MACO1: variants seen among roughly 807,000 people sequenced by gnomAD.
MACO1 encodes the protein macoilin.
In MACO1, 14 loss-of-function variants were observed where a neutral mutation model predicts 78.7. The ratio of observed to expected loss-of-function variants is 0.18; its 90% CI spans 0.12 to 0.28. The LOEUF is 0.28. MACO1 is among the 10% of genes least tolerant of loss of function. The pLI is 1.00. For missense variants in MACO1, 501 were observed against 799.0 expected, an observed-to-expected ratio of 0.63 and a Z score of 4.50; for synonymous variants, 288 against 291.6, an observed-to-expected ratio of 0.99 and a Z score of 0.12.
intron 6 of MACO1, among the ~76,000 whole-genome samples, chr1:25,474,487 T>A (rs537925468): frequency 6.6e-6 from 1 of 152,340 alleles, no homozygotes; most frequent in East Asian, 1.9e-4. Flanking sequence ...CTTTTTGCTT[T>A]TTCTTCTTCA....
At chr1:25,455,876 A>G (rs953403000) in intron 4 of MACO1, among the ~76,000 whole-genome samples, 8 of 152,100 alleles carry the variant, frequency 5.3e-5, no homozygotes, top group Non-Finnish European at 1.2e-4. Flanking sequence ...GCCTTCTAGT[A>G]TTGAAAATCA....
At chr1:25,466,986 C>T (rs1309774132) in intron 6 of MACO1, among the ~76,000 whole-genome samples, 4 of 152,028 alleles carry the variant, frequency 2.6e-5, no homozygotes, top group African/African-American at 4.8e-5. Flanking sequence ...CGGCCGGGCA[C>T]GGTGGTTCAC....
intron 6 of MACO1, among the ~76,000 whole-genome samples, chr1:25,480,329 G>T (rs989255916): frequency 6.6e-6 from 1 of 152,186 alleles, no homozygotes; most frequent in African/African-American, 2.4e-5. Context: ...TAACTCTCAG[G>T]CTTGCTGCAG....
chr1:25,448,677 A>G, intron 2 of MACO1, 131 bp from the exon 3 acceptor site: 4 of 794,880 alleles, frequency 5.0e-6, no homozygotes, highest in Non-Finnish European at 7.1e-6. Flanking sequence ...CCTTTTGTGA[A>G]TTTGCTTTAC....
At chr1:25,473,244 A>G (rs1306523624) in intron 6 of MACO1, among the ~76,000 whole-genome samples, 1 of 152,202 alleles carries the variant, frequency 6.6e-6, no homozygotes, top group African/African-American at 2.4e-5. Context: ...CATTGCAGGA[A>G]TTTAAAACTA....
intron 6 of MACO1, among the ~76,000 whole-genome samples, chr1:25,471,247 G>A (rs1357020469): frequency 6.6e-6 from 1 of 151,478 alleles, no homozygotes; most frequent in Non-Finnish European, 1.5e-5. Context: ...GCTGAGGCAT[G>A]CAACTCACTT....
At chr1:25,431,288 G>T in intron 1 of MACO1, 110 bp downstream of exon 1, 2 of 801,048 alleles carry the variant, frequency 2.5e-6, no homozygotes, top group South Asian at 2.0e-5. Context: ...CCCGCGCCGG[G>T]GGCTCTCCTA....
chr1:25,466,609 G>A (rs552232162), intron 6 of MACO1, among the ~76,000 whole-genome samples: 27 of 152,256 alleles, frequency 1.8e-4, no homozygotes, highest in Admixed American at 9.2e-4. Flanking sequence ...CACCTCACCC[G>A]GCCAGTTCAG....
chr1:25,438,992 A>G (rs4233043), intron 1 of MACO1, among the ~76,000 whole-genome samples: 86,529 of 151,950 alleles, frequency 0.57, 25,586 homozygotes, highest in African/African-American at 0.71. Flanking sequence ...ATTTGTTTAT[A>G]TAGAAAAAGC....
chr1:25,492,862 G>A (rs996286387), intron 10 of MACO1, among the ~76,000 whole-genome samples: 1 of 152,158 alleles, frequency 6.6e-6, no homozygotes, highest in Non-Finnish European at 1.5e-5. Context: ...ATTTTCAAAT[G>A]GTTGACTTAG....
chr1:25,475,458 T>C (rs2043313652), intron 6 of MACO1, among the ~76,000 whole-genome samples: 2 of 151,424 alleles, frequency 1.3e-5, no homozygotes, highest in African/African-American at 4.9e-5. Context: ...ACGCCTGTAA[T>C]CTGAACACTT....
chr1:25,483,264 C>T (rs1016655891), intron 6 of MACO1, among the ~76,000 whole-genome samples: 3 of 152,068 alleles, frequency 2.0e-5, no homozygotes, highest in African/African-American at 4.8e-5. Flanking sequence ...TTGGCCAGGC[C>T]GGTCTTGAAC....
chr1:25,466,472 C>T (rs571100809), intron 6 of MACO1, among the ~76,000 whole-genome samples: 3 of 152,250 alleles, frequency 2.0e-5, no homozygotes, highest in South Asian at 4.1e-4. Context: ...CACCACCATG[C>T]CCGGCTAATT....
chr1:25,440,942 A>G (rs1280055194), intron 1 of MACO1, among the ~76,000 whole-genome samples: 1 of 152,184 alleles, frequency 6.6e-6, no homozygotes, highest in Non-Finnish European at 1.5e-5. Context: ...ATAGTCTGGC[A>G]CCCAGAACAA....
At chr1:25,470,040 C>T (rs1269299547) in intron 6 of MACO1, among the ~76,000 whole-genome samples, 1 of 152,138 alleles carries the variant, frequency 6.6e-6, no homozygotes, top group East Asian at 1.9e-4. Flanking sequence ...AAGATGTCTA[C>T]ACCCAATTTA....
chr1:25,464,163 C>G (rs1221199006), intron 6 of MACO1, among the ~76,000 whole-genome samples: 1 of 152,088 alleles, frequency 6.6e-6, no homozygotes, highest in African/African-American at 2.4e-5. Context: ...CCATCCATCC[C>G]TACCCTCCCC....
intron 6 of MACO1, among the ~76,000 whole-genome samples, chr1:25,471,011 G>A (rs1216388849): frequency 1.2e-4 from 18 of 151,870 alleles, no homozygotes; most frequent in Admixed American, 1.2e-3. Flanking sequence ...CTGGGCCACA[G>A]AGTGAGAACC....
intron 6 of MACO1, among the ~76,000 whole-genome samples, chr1:25,467,731 AT>A (rs34155576): frequency 0.47 from 62,398 of 133,978 alleles, 13,583 homozygotes; most frequent in East Asian, 0.68. Flanking sequence ...TAGAATGATG[AT>A]TTTTTTTTTT....
Position 25,481,092 on chromosome 1 carries a change from G to C in MACO1, c.1155-3024G>C, listed in dbSNP as rs537223715. 5.8e-3 allele frequency among the ~76,000 whole-genome samples: 871 copies of C among 151,276 alleles called. 8 individuals carry two copies. Among genetic ancestry groups the C allele is most frequent in the Non-Finnish European group, 0.01 (706 of 67,850 alleles). On this transcript the variant is annotated intron_variant, in intron 6 of 10. Coordinates refer to ENST00000374343, the MANE Select transcript of MACO1 (RefSeq NM_018202.6). ...TCAAGGAACTCTAAAATTTCGCTCAGAATAAATATTGTTATTTTTAGTTTG... is the reference window on the plus strand; with the variant it reads ...TCAAGGAACTCTAAAATTTCGCTCACAATAAATATTGTTATTTTTAGTTTG...
Sources: allele counts gnomAD v4.1 joint callset (sites outside exome capture counted in the v4.1 genomes callset), GRCh38; gene constraint gnomAD v4.1.1; transcripts MANE v1.5; gene names NCBI Gene and HGNC (gene_info 2026-07-23, HGNC 2026-07-21).